LRBA: variants seen among roughly 807,000 people sequenced by gnomAD.
LRBA encodes the protein LPS responsive beige-like anchor protein.
Under a neutral mutation model 330.0 loss-of-function variants are expected in LRBA, and 176 were observed. The ratio of observed to expected loss-of-function variants is 0.53; its 90% CI spans 0.47 to 0.60. LRBA has a LOEUF of 0.60. LRBA is among the 20% of genes least tolerant of loss of function. The probability of loss-of-function intolerance (pLI) is 0.00; values close to 1 mark genes in which losing one functional copy is unlikely to be tolerated. For missense variants in LRBA, 3,259 were observed against 3,444.8 expected (o/e 0.95, Z 1.35); for synonymous variants, 1,230 against 1,193.0 (o/e 1.03, Z -0.64).
At chr4:150,701,627 A>G (rs1006615578) in intron 36 of LRBA, among the ~76,000 whole-genome samples, 2 of 152,242 alleles carry the variant, frequency 1.3e-5, no homozygotes, top group African/African-American at 4.8e-5. Flanking sequence ...CTGTGTATAT[A>G]TAAAGCAAAT....
At chr4:150,548,989 C>A (rs1473323728) in intron 40 of LRBA, among the ~76,000 whole-genome samples, 1 of 152,098 alleles carries the variant, frequency 6.6e-6, no homozygotes, top group African/African-American at 2.4e-5. Flanking sequence ...CAAAGTCAAT[C>A]TGCCAAAAAA....
chr4:150,462,344 ACAAGAAAAGATTTAATTTTCAC>A (rs1400007050), intron 44 of LRBA, among the ~76,000 whole-genome samples: 1 of 151,810 alleles, frequency 6.6e-6, no homozygotes, highest in East Asian at 1.9e-4. Flanking sequence ...CTTTTGCAAT[ACAAGAAAAGATTTAATTTTCAC>A]CAGTCTTTCA....
intron 40 of LRBA, among the ~76,000 whole-genome samples, chr4:150,586,423 T>C (rs552407320): frequency 5.9e-5 from 9 of 152,258 alleles, no homozygotes; most frequent in Non-Finnish European, 1.2e-4. Context: ...GGAAAAACAC[T>C]GCAGGAACAT....
Position 150,651,024 on chromosome 4 carries a change from T to G in LRBA, c.5921+32527A>C, listed in dbSNP as rs965848792. ...GAGAATGCAAATAGCTCCCTAATTA[T>G]CTACAGCCTATTAACAAGCAAACCT... On this transcript the variant is annotated intron_variant, in intron 37 of 56. Transcript: ENST00000651943. Among the ~76,000 whole-genome samples, 4 of 152,306 alleles carry G rather than the reference T, an allele frequency of 2.6e-5. No homozygotes were observed. In the East Asian group the frequency reaches 7.7e-4, roughly 29 times the overall value.
chr4:150,766,168 CATT>C (rs1239332563), intron 34 of LRBA, among the ~76,000 whole-genome samples: 1 of 151,840 alleles, frequency 6.6e-6, no homozygotes, highest in African/African-American at 2.4e-5. Flanking sequence ...AAAATGTTCT[CATT>C]AATTTTTTCA....
intron 55 of LRBA, 89 bp from the exon 56 acceptor site, chr4:150,278,093 C>T: frequency 8.9e-7 from 1 of 1,120,022 alleles, no homozygotes; most frequent in Non-Finnish European, 1.3e-6. Context: ...ACACCAGCTA[C>T]TACGGTGCAG....
At chr4:150,898,979 T>C (rs1293302111) in intron 14 of LRBA, among the ~76,000 whole-genome samples, 2 of 152,184 alleles carry the variant, frequency 1.3e-5, no homozygotes, top group Non-Finnish European at 2.9e-5. Flanking sequence ...TGTAAATCAC[T>C]AAACAACCAA....
chr4:150,562,277 C>T (rs1768459537), intron 40 of LRBA, among the ~76,000 whole-genome samples: 1 of 152,138 alleles, frequency 6.6e-6, no homozygotes, highest in Non-Finnish European at 1.5e-5. Context: ...GGTTGCTTTC[C>T]AGGGATATTT....
chr4:150,736,780 C>T (rs1438863108), intron 35 of LRBA, among the ~76,000 whole-genome samples: 1 of 152,140 alleles, frequency 6.6e-6, no homozygotes, highest in Non-Finnish European at 1.5e-5. Flanking sequence ...TAAGGATACC[C>T]TGCTTAGGCA....
intron 13 of LRBA, among the ~76,000 whole-genome samples, chr4:150,901,850 G>T (rs758362135): frequency 3.3e-5 from 5 of 152,086 alleles, no homozygotes; most frequent in Non-Finnish European, 7.4e-5. Context: ...TGTTCAAATT[G>T]ATAGGCCCAA....
intron 40 of LRBA, among the ~76,000 whole-genome samples, chr4:150,549,244 G>A (rs898438051): frequency 2.6e-5 from 4 of 151,514 alleles, no homozygotes; most frequent in Middle Eastern, 3.2e-3. Flanking sequence ...TTTTTAGTTC[G>A]TACTGATTTC....
chr4:150,333,286 A>G (rs748520134), intron 48 of LRBA, among the ~76,000 whole-genome samples: 3 of 152,120 alleles, frequency 2.0e-5, no homozygotes, highest in Non-Finnish European at 4.4e-5. Flanking sequence ...ATATGGACAC[A>G]ATTAATATAT....
intron 34 of LRBA, among the ~76,000 whole-genome samples, chr4:150,778,805 A>G (rs1016790852): frequency 1.3e-5 from 2 of 152,198 alleles, no homozygotes; most frequent in Non-Finnish European, 2.9e-5. Flanking sequence ...TTCTTCAGAC[A>G]TATGGCAATT....
chr4:150,935,151 G>A lies in LRBA; in HGVS notation c.217-6086C>T, dbSNP rs528487617. On this transcript the variant is annotated intron_variant, in intron 2 of 56. Transcript: ENST00000651943. ...AGATTGCCCCATTGCACTCCAGCCT[G>A]GTCAACAAAGCAAAACTCCGTCTCA... 1.1e-4 allele frequency among the ~76,000 whole-genome samples: 17 copies of A among 147,880 alleles called. 1 individual carries two copies. In the South Asian group the frequency reaches 3.6e-3, roughly 32 times the overall value.
At chr4:150,509,892 T>G (rs1761634601) in intron 40 of LRBA, among the ~76,000 whole-genome samples, 1 of 152,100 alleles carries the variant, frequency 6.6e-6, no homozygotes, top group African/African-American at 2.4e-5. Flanking sequence ...ATCCCAGAAC[T>G]TTGGGAGACA....
intron 37 of LRBA, among the ~76,000 whole-genome samples, chr4:150,632,218 G>C (rs1010002470): frequency 7.7e-6 from 1 of 130,688 alleles, no homozygotes; most frequent in Non-Finnish European, 1.6e-5. Context: ...GAGACAGAGT[G>C]AGACTCTGTC....
chr4:150,294,364 G>A (rs1458662776), intron 53 of LRBA, among the ~76,000 whole-genome samples: 1 of 152,184 alleles, frequency 6.6e-6, no homozygotes, highest in African/African-American at 2.4e-5. Context: ...TAAATGTATA[G>A]TTTAGATAAC....
At chr4:150,369,514 C>T (rs532592226) in intron 47 of LRBA, among the ~76,000 whole-genome samples, 6 of 152,028 alleles carry the variant, frequency 3.9e-5, no homozygotes, top group African/African-American at 7.2e-5. Context: ...CCACTGAACA[C>T]ATACAAACAT....
intron 2 of LRBA, among the ~76,000 whole-genome samples, chr4:151,006,491 T>G (rs1353578632): frequency 6.6e-6 from 1 of 152,090 alleles, no homozygotes; most frequent in Non-Finnish European, 1.5e-5. Context: ...AATACCTTAT[T>G]GTACATCTAT....
Sources: allele counts gnomAD v4.1 joint callset (sites outside exome capture counted in the v4.1 genomes callset), GRCh38; gene constraint gnomAD v4.1.1; transcripts MANE v1.5; gene names NCBI Gene and HGNC (gene_info 2026-07-23, HGNC 2026-07-21).